USP48: variants seen among roughly 807,000 people sequenced by gnomAD.
USP48 encodes ubiquitin carboxyl-terminal hydrolase 48.
In USP48, 43 loss-of-function variants were observed where a neutral mutation model predicts 150.7. The observed-to-expected ratio is 0.29, with a 90% CI of 0.22 to 0.37. The LOEUF (loss-of-function observed/expected upper bound fraction) is 0.37, where lower values mean the gene tolerates loss of function less well. Ranked by LOEUF, USP48 falls within the 10% of genes least tolerant of loss-of-function variation. The probability of loss-of-function intolerance (pLI) is 1.00; values close to 1 mark genes in which losing one functional copy is unlikely to be tolerated. For missense variants in USP48, 813 were observed against 1,249.6 expected (o/e 0.65, Z 5.27); for synonymous variants, 396 against 425.9 (o/e 0.93, Z 0.86).
At chr1:21,711,359 T>A (rs1385044919) in intron 15 of USP48, among the ~76,000 whole-genome samples, 1 of 152,104 alleles carries the variant, frequency 6.6e-6, no homozygotes, top group Non-Finnish European at 1.5e-5. Flanking sequence ...TGTAGTTAGA[T>A]GCTCAGTCCC....
At position 21,721,018 on chromosome 1, in the gene USP48, ATAGGTT is replaced by A. The variant is rs766909578; in HGVS notation, c.1894+12_1894+17del. ...GGTATAGTTTCACAATGATCTACAC[ATAGGTT>A]TAAAGTGTTACCTTTATTTAAGGTG... On this transcript the variant is annotated intron_variant, in intron 14 of 26. Transcript: ENST00000308271. 22 of 1,613,592 alleles carry A rather than the reference ATAGGTT, an allele frequency of 1.4e-5. No individual in the cohort carries two copies. The highest frequency in any genetic ancestry group is 1.6e-5 in the Non-Finnish European group (19 of 1,179,752).
intron 8 of USP48, among the ~76,000 whole-genome samples, chr1:21,738,400 G>A (rs2097773463): frequency 6.8e-6 from 1 of 146,124 alleles, no homozygotes; most frequent in Non-Finnish European, 1.5e-5. Context: ...TTGTTGCCCA[G>A]GCCAGAGTGC....
intron 1 of USP48, among the ~76,000 whole-genome samples, chr1:21,774,744 C>T (rs1432784471): frequency 6.6e-6 from 1 of 151,680 alleles, no homozygotes; most frequent in African/African-American, 2.4e-5. Flanking sequence ...GTAATCTCAA[C>T]ACTTCGGGAG....
At chr1:21,779,573 AG>A (rs2097909481) in intron 1 of USP48, among the ~76,000 whole-genome samples, 1 of 152,038 alleles carries the variant, frequency 6.6e-6, no homozygotes, top group Non-Finnish European at 1.5e-5. Context: ...AATAATAAAA[AG>A]TTAAAAGTTA....
intron 6 of USP48, among the ~76,000 whole-genome samples, chr1:21,750,281 C>A (rs979194547): frequency 2.0e-5 from 3 of 152,156 alleles, no homozygotes; most frequent in Non-Finnish European, 4.4e-5. Flanking sequence ...TCATTTTGGG[C>A]TCTGCACTTG....
At position 21,736,591 on chromosome 1, in the gene USP48, G is replaced by A. The variant is rs774135127; in HGVS notation, c.1026C>T (p.Leu342=). ...GSYVYELSAV[L]IHRGVSAYSG... is the part of the protein sequence containing the mutation. ...AATAAGCACTCACTCCTCTGTGTATGAGGACTGCGCTGAGTTCATACACGT... is the reference window on the plus strand; with the variant it reads ...AATAAGCACTCACTCCTCTGTGTATAAGGACTGCGCTGAGTTCATACACGT... The change falls in exon 9 of 27, where the codon CTC becomes CTT. Residue 342 remains leucine, a synonymous_variant. Coordinates refer to ENST00000308271, the MANE Select transcript of USP48 (RefSeq NM_032236.8). 1.4e-5 allele frequency: 21 copies of A among 1,555,482 alleles called. No individual in the cohort carries two copies. In the South Asian group the frequency reaches 2.5e-4, roughly 19 times the overall value.
intron 6 of USP48, among the ~76,000 whole-genome samples, chr1:21,748,934 G>A (rs2097802058): frequency 6.6e-6 from 1 of 151,986 alleles, no homozygotes; most frequent in Non-Finnish European, 1.5e-5. Flanking sequence ...AAAAACAGGA[G>A]GGAGGAGGGT....
At chr1:21,729,635 C>G in intron 10 of USP48, 69 bp downstream of exon 10, 1 of 1,549,448 alleles carries the variant, frequency 6.5e-7, no homozygotes. Flanking sequence ...CAATCCATTA[C>G]TTATCATTAA....
chr1:21,744,104 T>C (rs910378673), intron 8 of USP48, among the ~76,000 whole-genome samples: 2 of 152,208 alleles, frequency 1.3e-5, no homozygotes, highest in African/African-American at 4.8e-5. Flanking sequence ...TTACCATTCT[T>C]GCAGATAACC....
intron 25 of USP48, among the ~76,000 whole-genome samples, chr1:21,685,480 A>G (rs1347939067): frequency 1.3e-5 from 2 of 151,858 alleles, no homozygotes; most frequent in East Asian, 3.9e-4. Context: ...ACGCCTGGTT[A>G]ATTTTTGTAA....
intron 1 of USP48, among the ~76,000 whole-genome samples, chr1:21,765,238 T>C (rs544457860): frequency 4.6e-5 from 7 of 152,092 alleles, no homozygotes; most frequent in Non-Finnish European, 8.8e-5. Context: ...AGGCAGAGGA[T>C]AGGTTCCAAA....
chr1:21,703,859 C>T (rs958700274), intron 20 of USP48, among the ~76,000 whole-genome samples: 1 of 152,072 alleles, frequency 6.6e-6, no homozygotes, highest in African/African-American at 2.4e-5. Flanking sequence ...AGCCTCTCAG[C>T]GAGTAGCTCA....
At chr1:21,723,312 G>A (rs2097727039) in intron 12 of USP48, among the ~76,000 whole-genome samples, 1 of 151,876 alleles carries the variant, frequency 6.6e-6, no homozygotes, top group South Asian at 2.1e-4. Context: ...TTGAGCCCAG[G>A]AGTTTGAGAC....
intron 19 of USP48, 75 bp from the exon 20 acceptor site, chr1:21,704,467 TAAAC>T: frequency 6.8e-7 from 1 of 1,468,200 alleles, no homozygotes; most frequent in Non-Finnish European, 9.0e-7. Context: ...ATTAGTCTGC[TAAAC>T]CAAAACCATT....
At position 21,753,094 on chromosome 1, in the gene USP48, C is replaced by T; in HGVS notation, c.438G>A (p.Glu146=). Residue 146 remains glutamate, a synonymous_variant, in exon 4 of 27, where the codon GAG becomes GAA. Transcript: ENST00000308271. ...EKDYEPQTIC[E]HLQYLFALLQ... ...ACAAGGCAAACAAGTACTGGAGATGCTCACAAATTGTTTGAGGCTCATAAT... is the reference window on the plus strand; with the variant it reads ...ACAAGGCAAACAAGTACTGGAGATGTTCACAAATTGTTTGAGGCTCATAAT... The T allele has an allele frequency of 6.2e-7, 1 of 1,609,766 alleles. No homozygotes were observed. The highest frequency in any genetic ancestry group is 8.5e-7 in the Non-Finnish European group (1 of 1,178,990).
chr1:21,719,198 C>T (rs1344547676), intron 14 of USP48, among the ~76,000 whole-genome samples: 11 of 7,390 alleles, frequency 1.5e-3, no homozygotes, highest in African/African-American at 5.5e-3. Flanking sequence ...GGCGGAGGGA[C>T]GGGGGGCGGG....
intron 1 of USP48, among the ~76,000 whole-genome samples, chr1:21,759,563 C>T (rs571578830): frequency 2.0e-4 from 31 of 152,174 alleles, no homozygotes; most frequent in South Asian, 1.2e-3. Flanking sequence ...AACGAACCTA[C>T]ATCTTACTGT....
chr1:21,771,471 ATTAT>A (rs551717102), intron 1 of USP48, among the ~76,000 whole-genome samples: 2,511 of 149,232 alleles, frequency 0.017, 39 homozygotes, highest in African/African-American at 0.036. Context: ...TTAATTATAA[ATTAT>A]TTATTTATTT....
At chr1:21,679,969 C>T (rs907616124) in intron 26 of USP48, among the ~76,000 whole-genome samples, 2 of 152,220 alleles carry the variant, frequency 1.3e-5, no homozygotes, top group African/African-American at 4.8e-5. Context: ...GCTGGGATTA[C>T]AGGCGTGAGC....
Sources: gnomAD v4.1 joint callset for allele counts (sites outside exome capture counted in the v4.1 genomes callset) on GRCh38, gnomAD v4.1.1 for gene constraint, MANE v1.5 for transcripts, NCBI Gene and HGNC (gene_info 2026-07-23, HGNC 2026-07-21) for gene names.